Variants in AVEN observed in about 807,000 individuals in gnomAD.
The protein encoded by AVEN is cell death regulator Aven.
In AVEN, 41 loss-of-function variants were observed where a neutral mutation model predicts 38.1. That is an observed-to-expected ratio of 1.08 (90% CI 0.84 to 1.40). The LOEUF is 1.40. AVEN is among the 40% of genes most tolerant of loss of function. AVEN has a pLI of 0.00. For missense variants in AVEN, 605 were observed against 438.8 expected, an observed-to-expected ratio of 1.38 and a Z score of -3.38; for synonymous variants, 206 against 171.8, an observed-to-expected ratio of 1.20 and a Z score of -1.56.
At chr15:34,055,803 A>AAAAT (rs916497293) in intron 5 of AVEN, among the ~76,000 whole-genome samples, 10 of 152,298 alleles carry the variant, frequency 6.6e-5, no homozygotes, top group East Asian at 1.9e-4. Flanking sequence ...TCTGTCACAA[A>AAAAT]AAATAAATAA....
intron 2 of AVEN, among the ~76,000 whole-genome samples, chr15:33,935,986 T>C (rs1234530873): frequency 6.6e-6 from 1 of 152,164 alleles, no homozygotes; most frequent in Non-Finnish European, 1.5e-5. Flanking sequence ...ACCTTTTAAT[T>C]TCCAGAAAAC....
chr15:33,853,148 A>C, the AVEN span: 1 of 1,370,256 alleles, frequency 7.3e-7, no homozygotes, highest in East Asian at 2.3e-5. Flanking sequence ...TATGTTTTTT[A>C]AGTTCTCCAC....
chr15:33,854,523 G>C (rs2079440642), downstream of AVEN: 1 of 1,302,102 alleles, frequency 7.7e-7, no homozygotes, highest in African/African-American at 1.5e-5. Context: ...AGCTATGCAG[G>C]ATGCTCAGAA....
intron 2 of AVEN, among the ~76,000 whole-genome samples, chr15:33,917,610 G>A (rs1893201286): frequency 6.7e-6 from 1 of 150,362 alleles, no homozygotes; most frequent in South Asian, 2.1e-4. Context: ...TACACACATG[G>A]AATATACATA....
At chr15:33,882,083 C>CT (rs138596428) in intron 2 of AVEN, among the ~76,000 whole-genome samples, 2,414 of 152,208 alleles carry the variant, frequency 0.016, 70 homozygotes, top group African/African-American at 0.054. Context: ...CAAGTAAAGA[C>CT]AACTGTCTGA....
intron 2 of AVEN, among the ~76,000 whole-genome samples, chr15:33,937,194 A>C (rs191331366): frequency 6.6e-6 from 1 of 150,860 alleles, no homozygotes; most frequent in Non-Finnish European, 1.5e-5. Flanking sequence ...TGGGAAAAAG[A>C]CAGCTGATTC....
intron 4 of AVEN, 114 bp downstream of exon 4, chr15:33,870,821 C>A: frequency 3.0e-6 from 2 of 671,526 alleles, no homozygotes; most frequent in South Asian, 3.9e-5. Flanking sequence ...GATATGAAAC[C>A]CTCACTTTTA....
intron 3 of AVEN, 104 bp downstream of exon 3, chr15:33,875,821 T>G: frequency 2.7e-6 from 3 of 1,127,868 alleles, no homozygotes; most frequent in Non-Finnish European, 2.6e-6. Context: ...CTGTAAGAAT[T>G]ACTACTCTTT....
At chr15:34,073,581 C>T (rs1900675254) in intron 1 of AVEN, among the ~76,000 whole-genome samples, 1 of 139,222 alleles carries the variant, frequency 7.2e-6, no homozygotes, top group East Asian at 2.1e-4. Context: ...AGTGCAACGG[C>T]ATGATCTCGG....
chr15:34,019,320 T>C (rs1898104390), intron 1 of AVEN, among the ~76,000 whole-genome samples: 1 of 152,336 alleles, frequency 6.6e-6, no homozygotes, highest in African/African-American at 2.4e-5. Flanking sequence ...AAGATATATT[T>C]TGGTACAGCT....
chr15:33,852,944 C>G, the AVEN span: 1 of 1,024,674 alleles, frequency 9.8e-7, no homozygotes, highest in Admixed American at 2.1e-5. Context: ...GGACACAAAC[C>G]AGAAAGATCC....
chr15:33,921,662 G>A (rs896053216), intron 2 of AVEN, among the ~76,000 whole-genome samples: 1 of 152,194 alleles, frequency 6.6e-6, no homozygotes, highest in Non-Finnish European at 1.5e-5. Context: ...AGAATATTTA[G>A]AAAACAATGA....
intron 2 of AVEN, among the ~76,000 whole-genome samples, chr15:33,936,927 C>G (rs1041286901): frequency 1.4e-5 from 2 of 144,476 alleles, no homozygotes; most frequent in African/African-American, 2.6e-5. Flanking sequence ...GTCAGGAGAT[C>G]GAGACCATCC....
At chr15:34,072,409 G>A (rs890513490) in intron 1 of AVEN, among the ~76,000 whole-genome samples, 3 of 151,726 alleles carry the variant, frequency 2.0e-5, no homozygotes, top group African/African-American at 7.3e-5. Context: ...TCAGGAGTTC[G>A]AGACCAGACT....
rs776868854 is a variant in AVEN, at chr15:33,867,576, C to CTTTT, written c.888_891dup (p.Glu298LysfsTer5). 4.3e-6 allele frequency: 7 copies of CTTTT among 1,614,214 alleles called. No individual in the cohort carries two copies. Among genetic ancestry groups the CTTTT allele is most frequent in the Non-Finnish European group, 5.9e-6 (7 of 1,180,028 alleles). The stretch of plus-strand genomic sequence containing the variant: ...TGATCTGGTAAGATGTTATCTCCCT[C>CTTTT]TTTTATAGGTGCATCTAAATTAAGC... On this transcript the variant is annotated frameshift_variant, in exon 5 of 6. Transcript: ENST00000306730. LOFTEE classifies it high-confidence loss of function.
At chr15:33,912,723 A>G (rs1255939416) in intron 2 of AVEN, among the ~76,000 whole-genome samples, 2 of 152,192 alleles carry the variant, frequency 1.3e-5, no homozygotes, top group Non-Finnish European at 2.9e-5. Flanking sequence ...CTGGTGACAT[A>G]TGACACTCAT....
intron 2 of AVEN, among the ~76,000 whole-genome samples, chr15:33,983,233 T>TAC (rs1375764848): frequency 3.5e-5 from 4 of 115,500 alleles, no homozygotes; most frequent in South Asian, 3.8e-4. Context: ...TACACACACA[T>TAC]ACACACACAC....
At chr15:33,950,551 G>A (rs1363710579) in intron 2 of AVEN, among the ~76,000 whole-genome samples, 2 of 152,176 alleles carry the variant, frequency 1.3e-5, no homozygotes, top group African/African-American at 4.8e-5. Flanking sequence ...ACTTGTGAGA[G>A]GTGGAAGGAA....
intron 2 of AVEN, among the ~76,000 whole-genome samples, chr15:33,909,412 T>TAAAA (rs1892836289): frequency 6.6e-6 from 1 of 152,206 alleles, no homozygotes; most frequent in African/African-American, 2.4e-5. Context: ...TTATACTCTA[T>TAAAA]AAATGTACCA....
Sources: allele counts gnomAD v4.1 joint callset (sites outside exome capture counted in the v4.1 genomes callset), GRCh38; gene constraint gnomAD v4.1.1; transcripts MANE v1.5; gene names NCBI Gene and HGNC (gene_info 2026-07-23, HGNC 2026-07-21).